Variants in ZNF585B observed in about 807,000 individuals in gnomAD.
The protein encoded by ZNF585B is zinc finger protein 585B, also known as zinc finger protein 41-like protein.
A neutral mutation model predicts 14.0 loss-of-function variants in ZNF585B; 7 were observed. The observed-to-expected ratio is 0.50, with a 90% CI of 0.28 to 0.94. The LOEUF (loss-of-function observed/expected upper bound fraction) is 0.94, where lower values mean the gene tolerates loss of function less well. Among genes scored for constraint, ZNF585B ranks in the 40% least tolerant of loss-of-function variants. The pLI is 0.09. For synonymous variants in ZNF585B, 290 were observed against 317.3 expected, an observed-to-expected ratio of 0.91 and a Z score of 0.91; for missense variants, 750 against 924.4, an observed-to-expected ratio of 0.81 and a Z score of 2.45.
At position 37,187,120 on chromosome 19, in the gene ZNF585B, G is replaced by A; in HGVS notation, c.417C>T (p.Phe139=). 1 of 1,614,088 alleles carries A rather than the reference G, an allele frequency of 6.2e-7. No homozygotes were observed. The highest frequency in any genetic ancestry group is 8.5e-7 in the Non-Finnish European group (1 of 1,180,016). ...GTACCTTGAACTGTGACTTCCAGGT[G>A]AAGCTCTTTCCAAATTCAGCACACT... ...SYECAEFGKS[F]TWKSQFKVHL... The change falls in exon 5 of 5, where the codon TTC becomes TTT. Residue 139 remains phenylalanine (F), a synonymous_variant. Coordinates refer to ENST00000532828, the MANE Select transcript of ZNF585B (RefSeq NM_152279.4).
At chr19:37,189,324 A>G (rs1481047974) in intron 4 of ZNF585B, among the ~76,000 whole-genome samples, 1 of 152,164 alleles carries the variant, frequency 6.6e-6, no homozygotes, top group African/African-American at 2.4e-5. Flanking sequence ...ACACAGAGTA[A>G]ATTTTGAAAG....
rs574613302 is a variant in ZNF585B, at chr19:37,182,870, G to A, written c.*2357C>T. ...GTGCATCTAATCAGATCATCTGTCAGCATCTGTAAGGCCACTGCTGCCTAT... is the reference window on the plus strand; with the variant it reads ...GTGCATCTAATCAGATCATCTGTCAACATCTGTAAGGCCACTGCTGCCTAT... On this transcript the variant is annotated 3_prime_UTR_variant, in exon 5 of 5. Coordinates refer to ENST00000532828, the MANE Select transcript of ZNF585B (RefSeq NM_152279.4). 143 of 152,378 alleles carry A rather than the reference G, an allele frequency of 9.4e-4. No individual in the cohort carries two copies. The highest frequency in any genetic ancestry group is 3.9e-4 in the East Asian group (2 of 5,186). The allele number at this position is 152,378 out of a possible 1,614,324, so 9.4% of individuals were successfully genotyped here. A position where few individuals can be genotyped will look rare whatever the true frequency, so the allele number is the denominator to read the frequency against.
In ZNF585B at chr19:37,187,152, AT is replaced by A; in HGVS notation, c.384del (p.Lys128AsnfsTer22). On this transcript the variant is annotated frameshift_variant, in exon 5 of 5. Transcript: ENST00000532828. LOFTEE classifies it low-confidence loss of function (END_TRUNC). ...TTTCCAAATTCAGCACACTCATAGG[AT>A]TTTTCCCCAGAATAAATTTTTTGAT... ...SQDQKIYSGE[K>X]SYECAEFGKS... 1 of 1,613,954 alleles carries A rather than the reference AT, an allele frequency of 6.2e-7. No individual in the cohort carries two copies. The highest frequency in any genetic ancestry group is 8.5e-7 in the Non-Finnish European group (1 of 1,179,976).
chr19:37,207,051 T>C lies in ZNF585B; in HGVS notation c.61A>G (p.Ser21Gly), dbSNP rs1487159707. Reference protein sequence around the residue: ...SSALAPEDHGSSYEGSVSFRD... With the variant: ...SSALAPEDHGGSYEGSVSFRD... ...CTCCTCCTCCTCACCTCATAGGAGC[T>C]GCCATGATCCTCTGGAGCCAGGGCT... The change falls in exon 2 of 5, where the codon AGC (serine) becomes GGC (glycine). Residue 21 changes from serine (S) to glycine (G), a missense_variant. Transcript: ENST00000532828. 2.5e-6 allele frequency: 4 copies of C among 1,613,952 alleles called. No homozygotes were observed. Among genetic ancestry groups the C allele is most frequent in the Non-Finnish European group, 1.7e-6 (2 of 1,180,032 alleles).
intron 2 of ZNF585B, among the ~76,000 whole-genome samples, chr19:37,194,307 G>GT (rs1972436138): frequency 6.6e-6 from 1 of 151,768 alleles, no homozygotes; most frequent in Non-Finnish European, 1.5e-5. Context: ...TTTCCACATG[G>GT]TGTACATATT....
At chr19:37,209,056 G>A (rs1347391350) in intron 1 of ZNF585B, among the ~76,000 whole-genome samples, 1 of 151,832 alleles carries the variant, frequency 6.6e-6, no homozygotes, top group Non-Finnish European at 1.5e-5. Context: ...ATAAATTATT[G>A]GTTGAAGCTT....
rs1313732929 is a variant in ZNF585B, at chr19:37,181,982, C to T, written c.*3245G>A. 2 of 152,030 alleles carry T rather than the reference C, an allele frequency of 1.3e-5. No individual in the cohort carries two copies. Among genetic ancestry groups the T allele is most frequent in the Non-Finnish European group, 2.9e-5 (2 of 68,030 alleles). 9.4% of individuals were successfully genotyped at this position (152,030 alleles called of 1,614,324 possible). On this transcript the variant is annotated 3_prime_UTR_variant, in exon 5 of 5. Transcript: ENST00000532828. ...ACATCAAGACTGAACCCTAATTAAA[C>T]CATGGACTTTGGCCGATAGTGTCAA... is the stretch of plus-strand genomic sequence containing the variant.
chr19:37,184,076 G>A lies in ZNF585B; in HGVS notation c.*1151C>T, dbSNP rs1972290656. On this transcript the variant is annotated 3_prime_UTR_variant, in exon 5 of 5. Coordinates refer to ENST00000532828, the MANE Select transcript of ZNF585B (RefSeq NM_152279.4). The stretch of plus-strand genomic sequence containing the variant: ...TGGGAGTGTACAAAACACTGTGCTG[G>A]GCCGGGCGCAGTGGCTCACGTCCGT... 1 of 152,048 alleles carries A rather than the reference G, an allele frequency of 6.6e-6. No individual in the cohort carries two copies. Among genetic ancestry groups the A allele is most frequent in the Non-Finnish European group, 1.5e-5 (1 of 68,116 alleles). 9.4% of individuals were successfully genotyped at this position (152,048 alleles called of 1,614,324 possible).
At chr19:37,188,282 T>A (rs186906556) in intron 4 of ZNF585B, among the ~76,000 whole-genome samples, 3 of 150,372 alleles carry the variant, frequency 2.0e-5, no homozygotes, top group Non-Finnish European at 4.4e-5. Flanking sequence ...AGGTCGAGAG[T>A]TGGAGACCAG....
rs1568504208 is a variant in ZNF585B at position 37,182,824 on chromosome 19, C to T, written c.*2403G>A. ...CTCCCAGAACTGCCAATAGACTGGC[C>T]CCAGACGCCACCCAGCAACTGTGCA... On this transcript the variant is annotated 3_prime_UTR_variant, in exon 5 of 5. Coordinates refer to ENST00000532828, the MANE Select transcript of ZNF585B (RefSeq NM_152279.4). The T allele has an allele frequency of 6.6e-6, 1 of 152,340 alleles. No individual in the cohort carries two copies. The highest frequency in any genetic ancestry group is 1.5e-5 in the Non-Finnish European group (1 of 68,194). 9.4% of individuals were successfully genotyped at this position (152,340 alleles called of 1,614,324 possible).
At position 37,187,766 on chromosome 19, in the gene ZNF585B, C is replaced by T. The variant is rs113262594; in HGVS notation, c.293-522G>A. 7.7e-3 allele frequency among the ~76,000 whole-genome samples: 1,178 copies of T among 152,066 alleles called. 21 individuals are homozygous for T. The highest frequency in any genetic ancestry group is 0.027 in the African/African-American group (1,132 of 41,464). ...AAAAATGGCTTATCCAGCTTGAACA[C>T]AGAGAAAAGGGTAAGGGTGAGTAAT... On this transcript the variant is annotated intron_variant, in intron 4 of 4. Transcript: ENST00000532828.
In ZNF585B at chr19:37,186,896, T is replaced by C. The variant is rs1187708521; in HGVS notation, c.641A>G (p.Tyr214Cys). Residue 214 changes from tyrosine to cysteine, a missense_variant, in exon 5 of 5, where the codon TAT (tyrosine) becomes TGT (cysteine). By Grantham distance (194) the Tyr-to-Cys change is radical. Transcript: ENST00000532828. ...HHRIHTGEKL[Y>C]ECSECGKGFP... The stretch of plus-strand genomic sequence containing the variant: ...ACCTTTCCCACATTCACTACATTCA[T>C]ATAGTTTTTCTCCGGTATGAATTCT... 1.2e-6 allele frequency: 2 copies of C among 1,613,904 alleles called. No individual in the cohort carries two copies. The highest frequency in any genetic ancestry group is 2.2e-5 in the East Asian group (1 of 44,890).
intron 2 of ZNF585B, among the ~76,000 whole-genome samples, chr19:37,195,487 G>T (rs574742628): frequency 1.3e-5 from 2 of 151,208 alleles, no homozygotes; most frequent in African/African-American, 4.9e-5. Context: ...CAACTAGACT[G>T]ATGAAAATAA....
intron 2 of ZNF585B, among the ~76,000 whole-genome samples, chr19:37,200,996 C>G (rs1972525517): frequency 6.7e-6 from 1 of 150,304 alleles, no homozygotes; most frequent in South Asian, 2.1e-4. Context: ...GAGGCTGACG[C>G]AGGAGAATCG....
Position 37,187,118 on chromosome 19 carries a change from G to A in ZNF585B, c.419C>T (p.Thr140Ile), listed in dbSNP as rs1423634425. 1.2e-6 allele frequency: 2 copies of A among 1,613,938 alleles called. No homozygotes were observed. Among genetic ancestry groups the A allele is most frequent in the Non-Finnish European group, 1.7e-6 (2 of 1,180,010 alleles). The change falls in exon 5 of 5, where the codon ACC becomes ATC. Residue 140 changes from threonine (T) to isoleucine (I), a missense_variant. Around this residue, in one of 2 missense-constraint regions of ZNF585B, gnomAD observed 517 missense variants for 570.3 expected, o/e 0.91. Transcript: ENST00000532828. The stretch of plus-strand genomic sequence containing the variant: ...ATGTACCTTGAACTGTGACTTCCAG[G>A]TGAAGCTCTTTCCAAATTCAGCACA... ...YECAEFGKSF[T>I]WKSQFKVHLK...
intron 2 of ZNF585B, among the ~76,000 whole-genome samples, chr19:37,191,065 T>C (rs1322413420): frequency 6.6e-6 from 1 of 152,146 alleles, no homozygotes; most frequent in Non-Finnish European, 1.5e-5. Flanking sequence ...CAATGTAAAT[T>C]GCAGTCATCA....
intron 2 of ZNF585B, among the ~76,000 whole-genome samples, chr19:37,194,970 A>C (rs1313616316): frequency 6.6e-6 from 1 of 152,208 alleles, no homozygotes; most frequent in Non-Finnish European, 1.5e-5. Context: ...CTTTCTGGAA[A>C]AGCAAAAACT....
At chr19:37,208,417 T>C (rs1029920586) in intron 1 of ZNF585B, among the ~76,000 whole-genome samples, 1 of 152,174 alleles carries the variant, frequency 6.6e-6, no homozygotes, top group Non-Finnish European at 1.5e-5. Flanking sequence ...TTATTACACA[T>C]GACAGGAAAC....
intron 1 of ZNF585B, among the ~76,000 whole-genome samples, chr19:37,208,293 A>AT (rs1972608576): frequency 6.6e-6 from 1 of 152,154 alleles, no homozygotes; most frequent in Non-Finnish European, 1.5e-5. Context: ...TTAAGTAGAC[A>AT]AATTCCAGGA....
Sources: allele counts gnomAD v4.1 joint callset (sites outside exome capture counted in the v4.1 genomes callset), GRCh38; gene constraint gnomAD v4.1.1; regional missense constraint gnomAD v4.1.1; transcripts MANE v1.5; gene names NCBI Gene and HGNC (gene_info 2026-07-23, HGNC 2026-07-21).